Variants in DCAF12 observed in about 807,000 individuals in gnomAD.
DCAF12 encodes DDB1 and CUL4 associated factor 12, also known as DDB1- and CUL4-associated factor 12.
Under a neutral mutation model 52.8 loss-of-function variants are expected in DCAF12, and 28 were observed. That is an observed-to-expected ratio of 0.53 (90% CI 0.39 to 0.73). The LOEUF (loss-of-function observed/expected upper bound fraction) is 0.73, where lower values mean the gene tolerates loss of function less well. Among genes scored for constraint, DCAF12 ranks in the 30% least tolerant of loss-of-function variants. The probability of loss-of-function intolerance (pLI) is 0.00; values close to 1 mark genes in which losing one functional copy is unlikely to be tolerated. For synonymous variants in DCAF12, 196 were observed against 215.5 expected (o/e 0.91, Z 0.79); for missense variants, 425 against 552.2 (o/e 0.77, Z 2.31).
chr9:34,098,706 C>T (rs996325962), intron 4 of DCAF12, among the ~76,000 whole-genome samples, 189 bp from the exon 5 acceptor site: 1 of 152,232 alleles, frequency 6.6e-6, no homozygotes, highest in South Asian at 2.1e-4. Context: ...GAGAATTATT[C>T]ACCTAAGGTC....
At chr9:34,111,143 G>A (rs569847017) in intron 2 of DCAF12, among the ~76,000 whole-genome samples, 9 of 151,782 alleles carry the variant, frequency 5.9e-5, no homozygotes, top group Admixed American at 2.6e-4. Flanking sequence ...GCACCACCAC[G>A]CCCAGCTAAT....
rs1468345713 is a variant in DCAF12 at position 34,095,655 on chromosome 9, T to C, written c.861+1061A>G. Among the ~76,000 whole-genome samples, 4 of 152,090 alleles carry C rather than the reference T, an allele frequency of 2.6e-5. 1 individual carries two copies. The highest frequency in any genetic ancestry group is 4.4e-5 in the Non-Finnish European group (3 of 67,998). On this transcript the variant is annotated intron_variant, in intron 6 of 8. Coordinates refer to ENST00000361264, the MANE Select transcript of DCAF12 (RefSeq NM_015397.4). ...CCTCCTGCTTCAACCTCCCAAAGTG[T>C]TGGGATTACAGGCCTAAGGTATTGT...
At chr9:34,106,361 C>T (rs1374134640) in intron 4 of DCAF12, 73 bp downstream of exon 4, 1 of 1,336,750 alleles carries the variant, frequency 7.5e-7, no homozygotes, top group East Asian at 2.5e-5. Context: ...TCCTATCACA[C>T]TACTATCCCT....
intron 8 of DCAF12, 113 bp downstream of exon 8, chr9:34,089,299 C>G: frequency 8.1e-7 from 1 of 1,233,508 alleles, no homozygotes; most frequent in Non-Finnish European, 1.1e-6. Context: ...CAATGAGTGC[C>G]TCTTACTAGT....
At chr9:34,110,513 T>C (rs555468685) in intron 2 of DCAF12, among the ~76,000 whole-genome samples, 2 of 152,226 alleles carry the variant, frequency 1.3e-5, no homozygotes, top group Admixed American at 6.6e-5. Context: ...TTCCTAAAAA[T>C]GGAAATCTTC....
intron 2 of DCAF12, among the ~76,000 whole-genome samples, chr9:34,122,450 A>G (rs1261368814): frequency 6.6e-6 from 1 of 150,702 alleles, no homozygotes; most frequent in Non-Finnish European, 1.5e-5. Context: ...TTCCAGTTAT[A>G]TAGGTTCAAG....
chr9:34,094,592 G>A (rs554381767), intron 6 of DCAF12, among the ~76,000 whole-genome samples: 10 of 148,034 alleles, frequency 6.8e-5, no homozygotes, highest in African/African-American at 2.2e-4. Context: ...GTACAGTGGC[G>A]CGATCTCAGC....
At chr9:34,107,265 C>T in intron 3 of DCAF12, 94 bp downstream of exon 3, 1 of 1,258,092 alleles carries the variant, frequency 7.9e-7, no homozygotes, top group East Asian at 2.3e-5. Flanking sequence ...AGTCCAGTCC[C>T]CACTCTGGGC....
chr9:34,088,410 A>G lies in DCAF12; in HGVS notation c.1302T>C (p.Phe434=), dbSNP rs758270056. ...HCYDSSGTKL[F]VAGGPLPSGL... Reference sequence around the variant, plus strand: ...CTGAAGGGAGGGGACCTCCTGCCACAAAGAGTTTCGTTCCAGACGAGTCGT... The same window carrying G: ...CTGAAGGGAGGGGACCTCCTGCCACGAAGAGTTTCGTTCCAGACGAGTCGT... Residue 434 remains phenylalanine, a synonymous_variant, in exon 9 of 9, where the codon TTT becomes TTC. Transcript: ENST00000361264. 6.8e-6 allele frequency: 11 copies of G among 1,613,942 alleles called. No homozygotes were observed. Among genetic ancestry groups the G allele is most frequent in the Non-Finnish European group, 9.3e-6 (11 of 1,179,908 alleles).
chr9:34,087,454 G>A lies in DCAF12; in HGVS notation c.*896C>T, dbSNP rs1460973325. On this transcript the variant is annotated 3_prime_UTR_variant, in exon 9 of 9. Coordinates refer to ENST00000361264, the MANE Select transcript of DCAF12 (RefSeq NM_015397.4). ...AGGTCTTGAGGGGAAGGAGAGAGAA[G>A]CTAGGATGGGGATTCAAGTCCCATG... The A allele has an allele frequency of 6.6e-6, 1 of 152,290 alleles. No homozygotes were observed. The highest frequency in any genetic ancestry group is 6.5e-5 in the Admixed American group (1 of 15,274). The allele number at this position is 152,290 out of a possible 1,614,324, so 9.4% of individuals were successfully genotyped here.
At chr9:34,096,554 A>G (rs1175572913) in intron 6 of DCAF12, among the ~76,000 whole-genome samples, 162 bp downstream of exon 6, 1 of 152,152 alleles carries the variant, frequency 6.6e-6, no homozygotes, top group Non-Finnish European at 1.5e-5. Flanking sequence ...CAGTGAGCCA[A>G]GATTGCACCA....
rs570469225 is a variant in DCAF12 at position 34,109,394 on chromosome 9, G to A, written c.334-1829C>T. On this transcript the variant is annotated intron_variant, in intron 2 of 8. Transcript: ENST00000361264. Reference sequence around the variant, plus strand: ...AGATGGCTGTGTTGTTGCCAATGACGGTGGCAGCCATCTTTAGCCCCCAGG... The same window carrying A: ...AGATGGCTGTGTTGTTGCCAATGACAGTGGCAGCCATCTTTAGCCCCCAGG... 2.6e-4 allele frequency: 53 copies of A among 200,532 alleles called. 1 individual carries two copies. The highest frequency in any genetic ancestry group is 1.0e-3 in the African/African-American group (43 of 43,128). The allele number at this position is 200,532 out of a possible 1,614,324, so 12.4% of individuals were successfully genotyped here.
intron 4 of DCAF12, among the ~76,000 whole-genome samples, chr9:34,098,773 TA>T (rs1470771245): frequency 2.6e-5 from 4 of 152,202 alleles, no homozygotes; most frequent in African/African-American, 4.8e-5. Context: ...TATTTATTAT[TA>T]TTATTTTTTT....
chr9:34,088,258 G>T lies in DCAF12; in HGVS notation c.*92C>A. On this transcript the variant is annotated 3_prime_UTR_variant, in exon 9 of 9. Coordinates refer to ENST00000361264, the MANE Select transcript of DCAF12 (RefSeq NM_015397.4). ...CTTTGGTGTTCCCACTAAAACACAA[G>T]AGCCTCACACAATTAGGAAAAAAAA... is the stretch of plus-strand genomic sequence containing the variant. The T allele has an allele frequency of 7.1e-7, 1 of 1,401,818 alleles. No individual in the cohort carries two copies. The highest frequency in any genetic ancestry group is 9.5e-7 in the Non-Finnish European group (1 of 1,050,314). The allele number at this position is 1,401,818 out of a possible 1,614,324, so 86.8% of individuals were successfully genotyped here.
intron 6 of DCAF12, among the ~76,000 whole-genome samples, chr9:34,094,734 G>A (rs1455365026): frequency 2.0e-5 from 3 of 151,774 alleles, no homozygotes; most frequent in Admixed American, 6.6e-5. Context: ...GTTTCACCAT[G>A]TTAGCCAGGA....
intron 5 of DCAF12, 77 bp downstream of exon 5, chr9:34,098,247 G>T: frequency 2.7e-6 from 4 of 1,458,678 alleles, no homozygotes; most frequent in Non-Finnish European, 3.8e-6. Context: ...AGCACTGATG[G>T]GGAAGGAAAA....
intron 4 of DCAF12, among the ~76,000 whole-genome samples, chr9:34,100,457 C>G (rs1828810886): frequency 2.6e-5 from 4 of 151,034 alleles, no homozygotes; most frequent in Admixed American, 1.3e-4. Flanking sequence ...CTCGGCCTCC[C>G]AAAGTGCTGG....
chr9:34,122,136 G>A (rs1159168378), intron 2 of DCAF12, among the ~76,000 whole-genome samples: 4 of 151,888 alleles, frequency 2.6e-5, no homozygotes, highest in Non-Finnish European at 5.9e-5. Flanking sequence ...TTGGCTCATA[G>A]TACTCTCTTT....
chr9:34,092,568 C>G (rs960637657), intron 7 of DCAF12, among the ~76,000 whole-genome samples: 1 of 152,038 alleles, frequency 6.6e-6, no homozygotes, highest in African/African-American at 2.4e-5. Context: ...TGCCTGTAGT[C>G]CCACCTACTC....
Sources: allele counts gnomAD v4.1 joint callset (sites outside exome capture counted in the v4.1 genomes callset), GRCh38; gene constraint gnomAD v4.1.1; transcripts MANE v1.5; gene names NCBI Gene and HGNC (gene_info 2026-07-23, HGNC 2026-07-21).